The following PDGFD variants were observed in gnomAD, a reference collection of about 807,000 sequenced individuals.
PDGFD encodes platelet-derived growth factor D.
A neutral mutation model predicts 44.7 loss-of-function variants in PDGFD; 30 were observed. The observed-to-expected ratio is 0.67, with a 90% CI of 0.50 to 0.91. The LOEUF is 0.91. PDGFD is among the 40% of genes least tolerant of loss of function. The pLI is 0.00. For synonymous variants in PDGFD, 173 were observed against 168.4 expected, an observed-to-expected ratio of 1.03 and a Z score of -0.21; for missense variants, 445 against 457.8, an observed-to-expected ratio of 0.97 and a Z score of 0.25.
rs964811093 is a variant in PDGFD at position 103,926,263 on chromosome 11, A to G, written c.987+649T>C. ...GCTAAATGAGCTAATGATTACTTAC[A>G]ATAGTTTTTGTCAAGCAATAAATGC... is the stretch of plus-strand genomic sequence containing the variant. On this transcript the variant is annotated intron_variant, in intron 6 of 6. Transcript: ENST00000393158. Among the ~76,000 whole-genome samples the G allele has an allele frequency of 1.5e-4, 23 of 152,196 alleles. 1 individual carries two copies. The highest frequency in any genetic ancestry group is 4.1e-4 in the South Asian group (2 of 4,832).
At chr11:103,949,741 T>C (rs1296647946) in intron 3 of PDGFD, among the ~76,000 whole-genome samples, 1 of 152,154 alleles carries the variant, frequency 6.6e-6, no homozygotes, top group Non-Finnish European at 1.5e-5. Context: ...AGTAAACGCA[T>C]GTGGGTGCTC....
chr11:103,994,626 TA>T (rs908360561), intron 3 of PDGFD, among the ~76,000 whole-genome samples: 46 of 152,162 alleles, frequency 3.0e-4, no homozygotes, highest in African/African-American at 1.1e-3. Context: ...ATTCTTAAGA[TA>T]AAAAATAAAA....
chr11:104,069,949 T>C (rs910452704), intron 1 of PDGFD, among the ~76,000 whole-genome samples: 8 of 152,256 alleles, frequency 5.3e-5, no homozygotes, highest in Non-Finnish European at 7.3e-5. Flanking sequence ...TTTCCCAGTA[T>C]GGGCTTATGG....
intron 6 of PDGFD, among the ~76,000 whole-genome samples, chr11:103,924,098 G>T (rs1291374967): frequency 6.6e-6 from 1 of 152,178 alleles, no homozygotes; most frequent in Non-Finnish European, 1.5e-5. Context: ...AAACTAACTG[G>T]CTGGGAGGCA....
intron 1 of PDGFD, among the ~76,000 whole-genome samples, chr11:104,067,098 A>G (rs1038223748): frequency 3.3e-5 from 5 of 152,146 alleles, no homozygotes; most frequent in African/African-American, 1.2e-4. Flanking sequence ...CTGAATATAT[A>G]AATGTATTGG....
chr11:104,027,193 G>T (rs567758356), intron 1 of PDGFD, among the ~76,000 whole-genome samples: 11 of 152,332 alleles, frequency 7.2e-5, no homozygotes, highest in African/African-American at 2.6e-4. Context: ...ACTCCCTGGT[G>T]TTGAAACAGA....
intron 1 of PDGFD, among the ~76,000 whole-genome samples, chr11:104,153,854 C>T (rs59110082): frequency 1.8e-3 from 267 of 152,032 alleles, no homozygotes; most frequent in African/African-American, 6.2e-3. Flanking sequence ...CCAATTGACA[C>T]TAGATAAAGA....
At chr11:104,008,690 TA>T (rs1174689533) in intron 1 of PDGFD, among the ~76,000 whole-genome samples, 29 of 152,132 alleles carry the variant, frequency 1.9e-4, no homozygotes, top group Non-Finnish European at 2.6e-4. Context: ...AAAAGTGCTG[TA>T]TAATTTCTTT....
intron 1 of PDGFD, among the ~76,000 whole-genome samples, chr11:104,042,978 A>T (rs1860381609): frequency 6.6e-6 from 1 of 152,234 alleles, no homozygotes; most frequent in African/African-American, 2.4e-5. Flanking sequence ...TGTCACTAAA[A>T]ATTTAATGTA....
At chr11:103,947,781 GCA>G (rs1425008344) in intron 3 of PDGFD, 57 bp from the exon 4 acceptor site, 5 of 1,282,884 alleles carry the variant, frequency 3.9e-6, no homozygotes, top group Non-Finnish European at 5.7e-6. Flanking sequence ...TTCATTATGT[GCA>G]CAGTTTCAAC....
intron 1 of PDGFD, among the ~76,000 whole-genome samples, chr11:104,096,211 A>G (rs1481970226): frequency 6.7e-6 from 1 of 148,472 alleles, no homozygotes; most frequent in Non-Finnish European, 1.5e-5. Flanking sequence ...TCAAGGATCC[A>G]TATGTCCAAT....
intron 1 of PDGFD, among the ~76,000 whole-genome samples, chr11:104,062,113 G>A (rs1465566070): frequency 1.3e-5 from 2 of 152,192 alleles, no homozygotes; most frequent in Non-Finnish European, 2.9e-5. Context: ...GGGAGAAGAA[G>A]GGACAGCTTT....
intron 1 of PDGFD, among the ~76,000 whole-genome samples, chr11:104,001,874 T>A (rs1169243255): frequency 6.6e-6 from 1 of 152,206 alleles, no homozygotes; most frequent in Non-Finnish European, 1.5e-5. Context: ...ACAAAGAGGA[T>A]AAGAATTGGC....
chr11:104,129,477 A>G (rs1313751063), intron 1 of PDGFD, among the ~76,000 whole-genome samples: 1 of 152,160 alleles, frequency 6.6e-6, no homozygotes, highest in Non-Finnish European at 1.5e-5. Context: ...CTCCAGGAGC[A>G]GGTTCTCTTT....
At chr11:104,111,439 G>A (rs1051716501) in intron 1 of PDGFD, among the ~76,000 whole-genome samples, 1 of 151,588 alleles carries the variant, frequency 6.6e-6, no homozygotes, top group African/African-American at 2.4e-5. Context: ...AATTTTTTCT[G>A]TAGGGACAGG....
intron 1 of PDGFD, among the ~76,000 whole-genome samples, chr11:104,081,202 T>C (rs1413501802): frequency 6.6e-6 from 1 of 152,238 alleles, no homozygotes; most frequent in African/African-American, 2.4e-5. Flanking sequence ...TATTTTGTTA[T>C]ATGCAATAGA....
At chr11:104,108,496 A>G (rs1861501025) in intron 1 of PDGFD, among the ~76,000 whole-genome samples, 1 of 152,180 alleles carries the variant, frequency 6.6e-6, no homozygotes, top group South Asian at 2.1e-4. Context: ...CAAAACCACA[A>G]TGAGATACCA....
intron 1 of PDGFD, among the ~76,000 whole-genome samples, chr11:104,092,515 T>A (rs562893117): frequency 9.9e-5 from 15 of 152,220 alleles, no homozygotes; most frequent in African/African-American, 2.9e-4. Flanking sequence ...AATGTTAAAA[T>A]CAACTGAAAC....
At chr11:103,991,145 GA>G (rs11382574) in intron 3 of PDGFD, among the ~76,000 whole-genome samples, 32,328 of 142,058 alleles carry the variant, frequency 0.23, 3,676 homozygotes, top group African/African-American at 0.31. Flanking sequence ...ACTCAAAAAA[GA>G]AAAAAAAAAA....
Sources: allele counts gnomAD v4.1 joint callset (sites outside exome capture counted in the v4.1 genomes callset), GRCh38; gene constraint gnomAD v4.1.1; transcripts MANE v1.5; gene names NCBI Gene and HGNC (gene_info 2026-07-23, HGNC 2026-07-21).